The following DENND1B variants were observed in gnomAD, a reference collection of about 807,000 sequenced individuals.
DENND1B encodes DENN domain containing 1B.
Under a neutral mutation model 90.1 loss-of-function variants are expected in DENND1B, and 59 were observed. The observed-to-expected ratio is 0.65, with a 90% CI of 0.53 to 0.81. The LOEUF is 0.81. Ranked by LOEUF, DENND1B falls within the 40% of genes least tolerant of loss-of-function variation. The pLI is 0.00. For missense variants in DENND1B, 862 were observed against 912.6 expected, an observed-to-expected ratio of 0.94 and a Z score of 0.71; for synonymous variants, 337 against 324.6, an observed-to-expected ratio of 1.04 and a Z score of -0.41.
chr1:197,551,147 T>C (rs1029452363), intron 16 of DENND1B, among the ~76,000 whole-genome samples: 7 of 151,812 alleles, frequency 4.6e-5, no homozygotes, highest in East Asian at 3.9e-4. Context: ...AATTAATAGT[T>C]AGAACACTGC....
chr1:197,638,422 T>C (rs991215846), intron 10 of DENND1B, among the ~76,000 whole-genome samples: 1 of 152,216 alleles, frequency 6.6e-6, no homozygotes, highest in South Asian at 2.1e-4. Context: ...AAAGATACAC[T>C]CTAGTTAACA....
At chr1:197,704,788 T>C (rs1262997820) in intron 3 of DENND1B, among the ~76,000 whole-genome samples, 1 of 151,758 alleles carries the variant, frequency 6.6e-6, no homozygotes, top group Non-Finnish European at 1.5e-5. Flanking sequence ...ATTACAATAA[T>C]CTTTTTTAAG....
rs1473166785 is a variant in DENND1B, at chr1:197,715,094, A to G, written c.83-20T>C. 24 of 1,602,776 alleles carry G rather than the reference A, an allele frequency of 1.5e-5. No homozygotes were observed. Among genetic ancestry groups the G allele is most frequent in the Admixed American group, 3.3e-5 (2 of 59,812 alleles). Reference sequence around the variant, plus strand: ...CAGGATCTGTAAATAATTGACATGTATAATTAAACAGCAGCAAAAGAACAC... The same window carrying G: ...CAGGATCTGTAAATAATTGACATGTGTAATTAAACAGCAGCAAAAGAACAC... On this transcript the variant is annotated intron_variant, in intron 2 of 22. Coordinates refer to ENST00000620048, the MANE Select transcript of DENND1B (RefSeq NM_001195215.2).
At chr1:197,670,231 T>C (rs1655351828) in intron 5 of DENND1B, among the ~76,000 whole-genome samples, 1 of 152,176 alleles carries the variant, frequency 6.6e-6, no homozygotes, top group African/African-American at 2.4e-5. Flanking sequence ...TTCTAAACAT[T>C]CAATAATTAT....
chr1:197,599,149 C>A (rs1675972460), intron 13 of DENND1B, among the ~76,000 whole-genome samples: 1 of 151,832 alleles, frequency 6.6e-6, no homozygotes, highest in Middle Eastern at 3.4e-3. Flanking sequence ...CAAATAGGTA[C>A]ATGTTAAAAG....
chr1:197,669,334 C>A (rs1206111397), intron 5 of DENND1B, among the ~76,000 whole-genome samples: 1 of 152,028 alleles, frequency 6.6e-6, no homozygotes, highest in Non-Finnish European at 1.5e-5. Flanking sequence ...GTGAAGGACC[C>A]ATCAAACTAG....
chr1:197,628,257 G>C (rs1015623059), intron 10 of DENND1B, among the ~76,000 whole-genome samples: 2 of 152,076 alleles, frequency 1.3e-5, no homozygotes, highest in African/African-American at 4.8e-5. Context: ...GAGGCATCAT[G>C]CTACCTGACT....
intron 3 of DENND1B, among the ~76,000 whole-genome samples, chr1:197,707,348 T>A (rs1294732748): frequency 2.6e-5 from 4 of 151,984 alleles, no homozygotes; most frequent in African/African-American, 9.7e-5. Flanking sequence ...GTTCTAGTGT[T>A]CTATAACACT....
chr1:197,602,371 A>C (rs1676288021), intron 13 of DENND1B, among the ~76,000 whole-genome samples: 1 of 151,486 alleles, frequency 6.6e-6, no homozygotes, highest in Admixed American at 6.6e-5. Flanking sequence ...CTGAGAGGAG[A>C]AAAAGCATGA....
chr1:197,684,306 CA>C (rs1657006241), intron 3 of DENND1B, among the ~76,000 whole-genome samples: 1 of 152,144 alleles, frequency 6.6e-6, no homozygotes, highest in Non-Finnish European at 1.5e-5. Context: ...TGTCCAAAGT[CA>C]AACAGCTAGC....
At chr1:197,619,893 A>C (rs1677993155) in intron 10 of DENND1B, among the ~76,000 whole-genome samples, 1 of 151,240 alleles carries the variant, frequency 6.6e-6, no homozygotes, top group South Asian at 2.1e-4. Context: ...AAGATCTACC[A>C]GAAGAGAACC....
chr1:197,697,472 C>T (rs893867888), intron 3 of DENND1B, among the ~76,000 whole-genome samples: 8 of 151,664 alleles, frequency 5.3e-5, no homozygotes, highest in Admixed American at 1.3e-4. Context: ...ATGGCAGTGT[C>T]CTCCACTCTC....
chr1:197,667,132 CAAAA>C, intron 5 of DENND1B, among the ~76,000 whole-genome samples: 1 of 93,926 alleles, frequency 1.1e-5, no homozygotes. Context: ...GACTCCATCT[CAAAA>C]AAAAAAAAAA....
chr1:197,738,840 C>T (rs954829740), intron 2 of DENND1B, among the ~76,000 whole-genome samples: 1 of 152,166 alleles, frequency 6.6e-6, no homozygotes, highest in Admixed American at 6.5e-5. Flanking sequence ...ATAAAACAAA[C>T]AAGGTAAGCC....
intron 15 of DENND1B, among the ~76,000 whole-genome samples, chr1:197,578,336 C>T (rs1673883509): frequency 6.6e-6 from 1 of 152,060 alleles, no homozygotes; most frequent in Non-Finnish European, 1.5e-5. Flanking sequence ...CCTCTGTCTC[C>T]CAGGTTCAAG....
At chr1:197,755,590 T>TA (rs1331037054) in intron 2 of DENND1B, among the ~76,000 whole-genome samples, 2 of 152,176 alleles carry the variant, frequency 1.3e-5, no homozygotes, top group African/African-American at 2.4e-5. Flanking sequence ...TTCCATTTTT[T>TA]AAAAAATCAA....
In DENND1B at chr1:197,573,610, T is replaced by C. The variant is rs577652228; in HGVS notation, c.1149+9542A>G. On this transcript the variant is annotated intron_variant, in intron 15 of 22. Coordinates refer to ENST00000620048, the MANE Select transcript of DENND1B (RefSeq NM_001195215.2). The stretch of plus-strand genomic sequence containing the variant: ...TCCCTAACTCATTTTATGAGGCCAG[T>C]ATCGTCTGGATACCAAAGCCTGGCA... Among the ~76,000 whole-genome samples the C allele has an allele frequency of 5.3e-5, 8 of 152,242 alleles. No individual in the cohort carries two copies. In the South Asian group the frequency reaches 1.7e-3, roughly 32 times the overall value.
intron 14 of DENND1B, among the ~76,000 whole-genome samples, chr1:197,583,536 GA>G (rs1674430617): frequency 1.3e-5 from 2 of 152,212 alleles, no homozygotes; most frequent in South Asian, 4.2e-4. Flanking sequence ...TCATCAGATT[GA>G]ATTATGAGTA....
Position 197,567,539 on chromosome 1 carries a change from G to C in DENND1B, c.1150-14427C>G, listed in dbSNP as rs192421755. On this transcript the variant is annotated intron_variant, in intron 15 of 22. Coordinates refer to ENST00000620048, the MANE Select transcript of DENND1B (RefSeq NM_001195215.2). Reference sequence around the variant, plus strand: ...AAGCCAGACAAGGAGACTCCAAAAAGAAAGCGAATTACATCCAATGTCCCT... The same window carrying C: ...AAGCCAGACAAGGAGACTCCAAAAACAAAGCGAATTACATCCAATGTCCCT... Among the ~76,000 whole-genome samples, 323 of 152,170 alleles carry C rather than the reference G, an allele frequency of 2.1e-3. 1 individual carries two copies. Among genetic ancestry groups the C allele is most frequent in the Non-Finnish European group, 3.9e-3 (265 of 67,976 alleles).
Sources: gnomAD v4.1 joint callset for allele counts (sites outside exome capture counted in the v4.1 genomes callset) on GRCh38, gnomAD v4.1.1 for gene constraint, MANE v1.5 for transcripts, NCBI Gene and HGNC (gene_info 2026-07-23, HGNC 2026-07-21) for gene names.